BACE1: variants seen among roughly 807,000 people sequenced by gnomAD.
The protein encoded by BACE1 is APP beta-secretase.
A neutral mutation model predicts 54.0 loss-of-function variants in BACE1; 21 were observed. That is an observed-to-expected ratio of 0.39 (90% confidence interval 0.28 to 0.56). The LOEUF (loss-of-function observed/expected upper bound fraction) is 0.56. Ranked by LOEUF, BACE1 falls within the 20% of genes least tolerant of loss-of-function variation. The probability of loss-of-function intolerance (pLI) is 0.63; values close to 1 mark genes in which losing one functional copy is unlikely to be tolerated. For missense variants in BACE1, 511 were observed against 661.2 expected, an observed-to-expected ratio of 0.77 and a Z score of 2.49; for synonymous variants, 232 against 260.9, an observed-to-expected ratio of 0.89 and a Z score of 1.07.
chr11:117,297,080 A>T, intron 1 of BACE1, 119 bp from the exon 2 acceptor site: 1 of 745,274 alleles, frequency 1.3e-6, no homozygotes, highest in East Asian at 2.8e-5. Flanking sequence ...GTGAAGCTCC[A>T]CGATGCAGGA....
chr11:117,292,795 G>T, intron 5 of BACE1: 1 of 357,790 alleles, frequency 2.8e-6, no homozygotes, highest in South Asian at 4.1e-5. Context: ...CTTGCCCAAG[G>T]CTACGAAGCA....
chr11:117,296,761 G>A, intron 2 of BACE1, 112 bp downstream of exon 2: 1 of 865,218 alleles, frequency 1.2e-6, no homozygotes, highest in Admixed American at 2.6e-5. Context: ...CCCCTTCCCT[G>A]GCAAGAAGAA....
At chr11:117,301,602 G>T (rs1311358410) in intron 1 of BACE1, among the ~76,000 whole-genome samples, 1 of 148,980 alleles carries the variant, frequency 6.7e-6, no homozygotes, top group Non-Finnish European at 1.5e-5. Flanking sequence ...GAACAAGACC[G>T]TCTCAAAAAA....
Position 117,293,338 on chromosome 11 carries a change from C to T in BACE1, c.706-150G>A, listed in dbSNP as rs1007062739. 72 of 711,294 alleles carry T rather than the reference C, an allele frequency of 1.0e-4. 1 individual carries two copies. The African/African-American group carries it at 1.3e-3, about 13-fold the overall frequency. 44.1% of individuals were successfully genotyped at this position (711,294 alleles called of 1,614,324 possible). A position where few individuals can be genotyped will look rare whatever the true frequency, so the allele number is the denominator to read the frequency against. On this transcript the variant is annotated intron_variant, in intron 4 of 8. Coordinates refer to ENST00000313005, the MANE Select transcript of BACE1 (RefSeq NM_012104.6). The surrounding 1 kb of genome is among the most constrained non-coding windows in gnomAD (Gnocchi z 4.1). ...TCTTCCTGCTTCTAAACAAATCATA[C>T]CCAAAGTGATTTCTAGTTTCTTAAA...
chr11:117,289,483 C>A lies in BACE1; in HGVS notation c.*83G>T. On this transcript the variant is annotated 3_prime_UTR_variant, in exon 9 of 9. Transcript: ENST00000313005. ...TCCTGAGGTGCTCTGGCCACAGGTG[C>A]CATCTGTGTCTCCTACTTGTGACCA... The A allele has an allele frequency of 6.5e-7, 1 of 1,537,142 alleles. No homozygotes were observed. The highest frequency in any genetic ancestry group is 1.3e-5 in the South Asian group (1 of 79,034).
rs191828826 is a variant in BACE1, at chr11:117,311,798, A to G, written c.261+3737T>C. Among the ~76,000 whole-genome samples, 241 of 151,916 alleles carry G rather than the reference A, an allele frequency of 1.6e-3. 1 individual carries two copies. The highest frequency in any genetic ancestry group is 5.7e-3 in the African/African-American group (236 of 41,460). On this transcript the variant is annotated intron_variant, in intron 1 of 8. Transcript: ENST00000313005. The stretch of plus-strand genomic sequence containing the variant: ...TGGAACTACAGGCACGCGCCACCAC[A>G]CCCAGCTAATTTTTGTATTTTTAGT...
chr11:117,295,531 T>G, intron 2 of BACE1, 184 bp from the exon 3 acceptor site: 2 of 1,535,894 alleles, frequency 1.3e-6, no homozygotes, highest in South Asian at 1.2e-5. Context: ...GGCTTGCAGA[T>G]AGATGAAGGG....
chr11:117,294,658 C>T lies in BACE1; in HGVS notation c.567+473G>A, dbSNP rs28989501. On this transcript the variant is annotated intron_variant, in intron 3 of 8. Transcript: ENST00000313005. Reference sequence around the variant, plus strand: ...CAGCACTTAGGAAGGCCGAGGTGAGCGGATCACCTGCGGTCAGGAGTTCGA... The same window carrying T: ...CAGCACTTAGGAAGGCCGAGGTGAGTGGATCACCTGCGGTCAGGAGTTCGA... Among the ~76,000 whole-genome samples the T allele has an allele frequency of 8.2e-4, 125 of 151,630 alleles. 4 individuals carry two copies. In the East Asian group the frequency reaches 0.024, roughly 29 times the overall value.
In BACE1 at chr11:117,288,250, G is replaced by A. The variant is rs1443841084; in HGVS notation, c.*1316C>T. 2.0e-5 allele frequency: 3 copies of A among 152,278 alleles called. No homozygotes were observed. The highest frequency in any genetic ancestry group is 2.9e-5 in the Non-Finnish European group (2 of 68,042). The allele number at this position is 152,278 out of a possible 1,614,324, so 9.4% of individuals were successfully genotyped here. On this transcript the variant is annotated 3_prime_UTR_variant, in exon 9 of 9. Coordinates refer to ENST00000313005, the MANE Select transcript of BACE1 (RefSeq NM_012104.6). ...TGATACTGAAGGCAGTAATGTTAGA[G>A]CCATAAAGCACTGTATTTCTCATAC...
chr11:117,294,147 G>A (rs2034533822), intron 3 of BACE1, 139 bp from the exon 4 acceptor site: 4 of 933,956 alleles, frequency 4.3e-6, no homozygotes, highest in Non-Finnish European at 6.2e-6. Flanking sequence ...CTGAGATTTG[G>A]CAGAGGAAGG....
At chr11:117,302,949 C>T (rs1024298276) in intron 1 of BACE1, among the ~76,000 whole-genome samples, 3 of 152,202 alleles carry the variant, frequency 2.0e-5, no homozygotes, top group Non-Finnish European at 4.4e-5. Flanking sequence ...CTCACCTCCC[C>T]TCATATCGAA....
At position 117,297,281 on chromosome 11, in the gene BACE1, A is replaced by G. The variant is rs762822955; in HGVS notation, c.262-320T>C. ...AAAAAATATAGGAAGTCAAAGAGAT[A>G]GCCAGATGGTTGATGATTTTATACC... On this transcript the variant is annotated intron_variant, in intron 1 of 8. Transcript: ENST00000313005. 7.4e-5 allele frequency: 21 copies of G among 283,026 alleles called. No individual in the cohort carries two copies. In the East Asian group the frequency reaches 8.0e-4, roughly 11 times the overall value. The allele number at this position is 283,026 out of a possible 1,614,324, so 17.5% of individuals were successfully genotyped here.
rs368258749 is a variant in BACE1, at chr11:117,290,526, G to A, written c.1226C>T (p.Ala409Val). Residue 409 changes from alanine to valine, a missense_variant, in exon 8 of 9, where the codon GCC becomes GTC. By Grantham distance (64) the Ala-to-Val change is moderately conservative. This residue lies in a region of BACE1 where 407 missense variants were observed against 565.7 expected (regional missense o/e 0.72). Transcript: ENST00000313005. The part of the protein sequence containing the change: ...MEGFYVVFDR[A>V]RKRIGFAVSA... ...GACAGCAAAGCCAATTCGTTTTCGGGCCCGATCAAAGACAACGTAGAAGCC... is the reference window on the plus strand; with the variant it reads ...GACAGCAAAGCCAATTCGTTTTCGGACCCGATCAAAGACAACGTAGAAGCC... The A allele has an allele frequency of 1.2e-4, 196 of 1,614,060 alleles. No individual in the cohort carries two copies. Among genetic ancestry groups the A allele is most frequent in the Non-Finnish European group, 1.6e-4 (190 of 1,180,056 alleles).
chr11:117,290,425 C>T (rs990669430), intron 8 of BACE1, 63 bp downstream of exon 8: 3 of 1,575,442 alleles, frequency 1.9e-6, no homozygotes, highest in Non-Finnish European at 2.6e-6. Context: ...GGTATACTAA[C>T]TGTTGTTTGA....
chr11:117,296,736 CT>C (rs1233855148), intron 2 of BACE1, 136 bp downstream of exon 2: 10 of 658,620 alleles, frequency 1.5e-5, no homozygotes, highest in East Asian at 2.8e-5. Context: ...TGGTCACTGT[CT>C]TTTTTTCGCC....
At chr11:117,290,211 C>A (rs916699996) in intron 8 of BACE1, among the ~76,000 whole-genome samples, 1 of 152,226 alleles carries the variant, frequency 6.6e-6, no homozygotes, top group African/African-American at 2.4e-5. Context: ...TAGACTCAGT[C>A]TGCTACCCTT....
At chr11:117,309,273 C>T (rs747965366) in intron 1 of BACE1, among the ~76,000 whole-genome samples, 41 of 152,142 alleles carry the variant, frequency 2.7e-4, no homozygotes, top group Admixed American at 2.2e-3. Flanking sequence ...TAAAATTAGA[C>T]GATATCATCC....
chr11:117,305,646 A>T (rs1267709570), intron 1 of BACE1, among the ~76,000 whole-genome samples: 1 of 151,924 alleles, frequency 6.6e-6, no homozygotes, highest in Non-Finnish European at 1.5e-5. Context: ...AACCCGGCTC[A>T]ACTAATATTT....
intron 5 of BACE1, 31 bp from the exon 6 acceptor site, chr11:117,291,844 C>G (rs367712645): frequency 6.4e-7 from 1 of 1,557,954 alleles, no homozygotes; most frequent in Non-Finnish European, 8.8e-7. Flanking sequence ...TTAAAAGAGT[C>G]AAAAGGTTTT....
Sources: allele counts gnomAD v4.1 joint callset (sites outside exome capture counted in the v4.1 genomes callset), GRCh38; gene constraint gnomAD v4.1.1; regional missense constraint gnomAD v4.1.1; non-coding constraint Gnocchi (gnomAD v3.1); transcripts MANE v1.5; gene names NCBI Gene and HGNC (gene_info 2026-07-23, HGNC 2026-07-21).